XPNPEP1: variants seen among roughly 807,000 people sequenced by gnomAD.
The protein encoded by XPNPEP1 is xaa-Pro aminopeptidase 1.
XPNPEP1 carries 39 observed loss-of-function variants against 92.4 expected under a neutral mutation model. That is an observed-to-expected ratio of 0.42 (90% CI 0.33 to 0.55). XPNPEP1 has a LOEUF of 0.55. XPNPEP1 is among the 20% of genes least tolerant of loss of function. The pLI is 0.08. For missense variants in XPNPEP1, 654 were observed against 856.1 expected (o/e 0.76, Z 2.95); for synonymous variants, 307 against 299.4 (o/e 1.03, Z -0.26).
At position 109,865,064 on chromosome 10, in the gene XPNPEP1, G is replaced by A; in HGVS notation, c.*120C>T. 1.4e-6 allele frequency: 2 copies of A among 1,398,544 alleles called. No homozygotes were observed. The allele number at this position is 1,398,544 out of a possible 1,614,324, so 86.6% of individuals were successfully genotyped here. On this transcript the variant is annotated 3_prime_UTR_variant, in exon 21 of 21. Transcript: ENST00000502935. ...AAGAAGATTTTCTGTTCTTCTTAAA[G>A]TCTAAAGTAAAAAGGGGAGGTAGGG...
chr10:109,897,719 T>C (rs1849060767), intron 3 of XPNPEP1, among the ~76,000 whole-genome samples: 1 of 151,474 alleles, frequency 6.6e-6, no homozygotes. Flanking sequence ...AGTGGCGCAA[T>C]CTAGGCTCAC....
chr10:109,899,196 T>C (rs571868742), intron 3 of XPNPEP1, among the ~76,000 whole-genome samples: 3 of 152,334 alleles, frequency 2.0e-5, no homozygotes, highest in East Asian at 3.9e-4. Flanking sequence ...CCTTCCTTAG[T>C]GTAGAAGAGT....
intron 18 of XPNPEP1, 41 bp downstream of exon 18, chr10:109,870,690 C>T (rs1847410990): frequency 2.5e-6 from 4 of 1,569,152 alleles, no homozygotes; most frequent in East Asian, 2.3e-5. Flanking sequence ...TTCAAAAAGG[C>T]TCAAGGATCC....
chr10:109,887,252 T>C (rs1435507916), intron 7 of XPNPEP1, among the ~76,000 whole-genome samples: 1 of 152,196 alleles, frequency 6.6e-6, no homozygotes, highest in Non-Finnish European at 1.5e-5. Flanking sequence ...TAGCTGACCC[T>C]GGGCCACTCA....
intron 12 of XPNPEP1, among the ~76,000 whole-genome samples, chr10:109,879,600 T>TA (rs1246316802): frequency 6.6e-6 from 1 of 151,778 alleles, no homozygotes; most frequent in African/African-American, 2.4e-5. Context: ...ATAATAATAA[T>TA]AATTTACATA....
In XPNPEP1 at chr10:109,897,757, G is replaced by A. The variant is rs186121909; in HGVS notation, c.247-4682C>T. 1.3e-4 allele frequency among the ~76,000 whole-genome samples: 20 copies of A among 151,872 alleles called. No individual in the cohort carries two copies. In the East Asian group the frequency reaches 3.5e-3, roughly 26 times the overall value. On this transcript the variant is annotated intron_variant, in intron 3 of 20. Transcript: ENST00000502935. ...CAACCTCCACCTCCCAGGTTCACGC[G>A]ATTCTCATGCCTCAGTCTCCCAAGT...
At chr10:109,891,862 G>C in intron 4 of XPNPEP1, 36 bp from the exon 5 acceptor site, 2 of 1,601,252 alleles carry the variant, frequency 1.2e-6, no homozygotes, top group Non-Finnish European at 8.5e-7. Context: ...AAGAAGAAAG[G>C]TTTCTAACAA....
intron 1 of XPNPEP1, among the ~76,000 whole-genome samples, chr10:109,918,350 G>C (rs1850303611): frequency 6.6e-6 from 1 of 152,282 alleles, no homozygotes; most frequent in Non-Finnish European, 1.5e-5. Flanking sequence ...AAGCCAGAGA[G>C]GTTGAGGCAG....
chr10:109,864,955 TGCA>T lies in XPNPEP1; in HGVS notation c.*226_*228del, dbSNP rs1847050888. The stretch of plus-strand genomic sequence containing the variant: ...AACTTTGGAGGGACCCTCCTTCTGG[TGCA>T]GCAATTTTATTCTTGGCTTGTTCTC... On this transcript the variant is annotated 3_prime_UTR_variant, in exon 21 of 21. Transcript: ENST00000502935. 1 of 607,486 alleles carries T rather than the reference TGCA, an allele frequency of 1.6e-6. No homozygotes were observed. Among genetic ancestry groups the T allele is most frequent in the Non-Finnish European group, 2.7e-6 (1 of 375,658 alleles). The allele number at this position is 607,486 out of a possible 1,614,324, so 37.6% of individuals were successfully genotyped here.
chr10:109,907,988 T>A (rs1192611989), intron 2 of XPNPEP1, among the ~76,000 whole-genome samples, 173 bp from the exon 3 acceptor site: 1 of 152,174 alleles, frequency 6.6e-6, no homozygotes, highest in Non-Finnish European at 1.5e-5. Flanking sequence ...GAAACACTAA[T>A]GTTCACAGTT....
At chr10:109,891,949 G>A in intron 4 of XPNPEP1, 123 bp from the exon 5 acceptor site, 1 of 798,860 alleles carries the variant, frequency 1.3e-6, no homozygotes, top group Non-Finnish European at 2.0e-6. Context: ...GGGCAGATGG[G>A]TCCTTGACTC....
At chr10:109,910,644 G>A (rs1849818329) in intron 2 of XPNPEP1, among the ~76,000 whole-genome samples, 1 of 151,844 alleles carries the variant, frequency 6.6e-6, no homozygotes, top group Admixed American at 6.6e-5. Context: ...TCCATTGTCT[G>A]GATGTACCAC....
Position 109,865,289 on chromosome 10 carries a change from G to T in XPNPEP1, c.1896C>A (p.His632Gln), listed in dbSNP as rs1228389351. ...DKECDWLNNY[H>Q]LTCRDVIGKE... ...TCCCAATCACATCCCTGCAGGTCAG[G>T]TGGTAATTGTTGAGCCAGTCGCACT... The change falls in exon 21 of 21, where the codon CAC (histidine) becomes CAA (glutamine). Residue 632 changes from histidine to glutamine, a missense_variant. His to Gln is a conservative substitution (Grantham distance 24, BLOSUM62 0). Coordinates refer to ENST00000502935, the MANE Select transcript of XPNPEP1 (RefSeq NM_020383.4). 3 of 1,614,194 alleles carry T rather than the reference G, an allele frequency of 1.9e-6. No homozygotes were observed. Among genetic ancestry groups the T allele is most frequent in the East Asian group, 2.2e-5 (1 of 44,876 alleles).
chr10:109,875,794 C>A, intron 14 of XPNPEP1, 195 bp from the exon 15 acceptor site: 1 of 510,432 alleles, frequency 2.0e-6, no homozygotes, highest in Non-Finnish European at 3.5e-6. Flanking sequence ...TCCAATCAAC[C>A]TATCTCCCCA....
At chr10:109,878,558 T>G (rs146826771) in intron 12 of XPNPEP1, among the ~76,000 whole-genome samples, 100 of 152,256 alleles carry the variant, frequency 6.6e-4, no homozygotes, top group African/African-American at 2.2e-3. Context: ...TGGAAAATGT[T>G]CACACTATGA....
intron 14 of XPNPEP1, 44 bp downstream of exon 14, chr10:109,877,746 C>T: frequency 2.5e-6 from 4 of 1,612,910 alleles, no homozygotes; most frequent in South Asian, 1.1e-5. Flanking sequence ...GGCTCCTGTG[C>T]AGAAGCAGCA....
At chr10:109,902,528 AG>A in intron 3 of XPNPEP1, among the ~76,000 whole-genome samples, 1 of 152,338 alleles carries the variant, frequency 6.6e-6, no homozygotes, top group East Asian at 1.9e-4. Flanking sequence ...CCCCAGACCT[AG>A]CCCTGAGCAG....
intron 5 of XPNPEP1, among the ~76,000 whole-genome samples, chr10:109,889,558 A>G (rs1848587682): frequency 6.6e-6 from 1 of 152,262 alleles, no homozygotes; most frequent in Non-Finnish European, 1.5e-5. Context: ...CGCTAGTCAT[A>G]GGACACTATA....
rs1364009380 is a variant in XPNPEP1 at position 109,882,332 on chromosome 10, T to A, written c.1041+100A>T. 3 of 1,397,276 alleles carry A rather than the reference T, an allele frequency of 2.1e-6. No individual in the cohort carries two copies. In the African/African-American group the frequency reaches 4.3e-5, roughly 20 times the overall value. The allele number at this position is 1,397,276 out of a possible 1,614,324, so 86.6% of individuals were successfully genotyped here. On this transcript the variant is annotated intron_variant, in intron 10 of 20. Transcript: ENST00000502935. Reference sequence around the variant, plus strand: ...TCATCCATGGAGACCACAGTTCTGATCCAACAGGCAGCCTCAGAAATCTGC... The same window carrying A: ...TCATCCATGGAGACCACAGTTCTGAACCAACAGGCAGCCTCAGAAATCTGC...
Sources: allele counts gnomAD v4.1 joint callset (sites outside exome capture counted in the v4.1 genomes callset), GRCh38; gene constraint gnomAD v4.1.1; transcripts MANE v1.5; gene names NCBI Gene and HGNC (gene_info 2026-07-23, HGNC 2026-07-21).